Variants in CSMD1 observed in about 807,000 individuals in gnomAD.
CSMD1 encodes the protein CUB and Sushi multiple domains 1, also known as CUB and sushi domain-containing protein 1.
CSMD1 carries 213 observed loss-of-function variants against 417.5 expected under a neutral mutation model. That is an observed-to-expected ratio of 0.51 (90% confidence interval 0.46 to 0.57). The LOEUF is 0.57. Ranked by LOEUF, CSMD1 falls within the 20% of genes least tolerant of loss-of-function variation. CSMD1 has a pLI of 0.00. For synonymous variants in CSMD1, 2,862 were observed against 1,736.8 expected (o/e 1.65, Z -16.11); for missense variants, 6,923 against 4,529.7 (o/e 1.53, Z -15.17).
intron 3 of CSMD1, among the ~76,000 whole-genome samples, chr8:4,289,680 T>C (rs1797253460): frequency 6.6e-6 from 1 of 152,174 alleles, no homozygotes; most frequent in Non-Finnish European, 1.5e-5. Context: ...GCTCAAGACA[T>C]GAGCAAAACT....
chr8:4,065,702 T>G (rs1027632426), intron 3 of CSMD1, among the ~76,000 whole-genome samples: 1 of 152,232 alleles, frequency 6.6e-6, no homozygotes, highest in African/African-American at 2.4e-5. Flanking sequence ...GAACACCACA[T>G]GTATCTGTGC....
intron 23 of CSMD1, among the ~76,000 whole-genome samples, chr8:3,320,947 A>G (rs888984450): frequency 5.3e-5 from 8 of 152,212 alleles, no homozygotes; most frequent in African/African-American, 1.9e-4. Flanking sequence ...AATACAAAGC[A>G]AAATGGAGTA....
intron 3 of CSMD1, among the ~76,000 whole-genome samples, chr8:4,246,322 C>G (rs531542032): frequency 6.6e-6 from 1 of 152,216 alleles, no homozygotes; most frequent in African/African-American, 2.4e-5. Context: ...TGGCCTCCAC[C>G]TCCATCCACG....
intron 5 of CSMD1, among the ~76,000 whole-genome samples, chr8:3,948,146 A>G (rs1811362194): frequency 6.6e-6 from 1 of 152,212 alleles, no homozygotes; most frequent in Admixed American, 6.5e-5. Flanking sequence ...CTTAGGTTGC[A>G]GTCAGCTGAG....
At chr8:4,409,646 T>TTC (rs1796537840) in intron 3 of CSMD1, among the ~76,000 whole-genome samples, 1 of 14,492 alleles carries the variant, frequency 6.9e-5, no homozygotes, top group East Asian at 8.2e-4. Context: ...TTTTTTCTTT[T>TTC]TTTTTTTTTT....
intron 3 of CSMD1, among the ~76,000 whole-genome samples, chr8:4,383,645 A>G (rs1356329469): frequency 6.6e-6 from 1 of 152,206 alleles, no homozygotes; most frequent in Non-Finnish European, 1.5e-5. Flanking sequence ...TATGTACTTC[A>G]GTGTTCAGAG....
intron 3 of CSMD1, among the ~76,000 whole-genome samples, chr8:4,103,469 T>C (rs1434312442): frequency 6.6e-6 from 1 of 150,676 alleles, no homozygotes; most frequent in East Asian, 1.9e-4. Flanking sequence ...ATGATTATTT[T>C]AAAAAGGGTT....
intron 39 of CSMD1, among the ~76,000 whole-genome samples, chr8:3,155,060 A>C (rs906350825): frequency 6.6e-6 from 1 of 152,212 alleles, no homozygotes; most frequent in Non-Finnish European, 1.5e-5. Context: ...ACATGTGCTA[A>C]TATTTACGAT....
At chr8:4,634,003 A>AG (rs1321923715) in intron 2 of CSMD1, among the ~76,000 whole-genome samples, 4 of 152,086 alleles carry the variant, frequency 2.6e-5, no homozygotes, top group African/African-American at 9.6e-5. Flanking sequence ...CATTAAAAAA[A>AG]AAAAAAACAA....
chr8:4,293,221 C>T (rs1797470830), intron 3 of CSMD1, among the ~76,000 whole-genome samples: 1 of 152,110 alleles, frequency 6.6e-6, no homozygotes, highest in Non-Finnish European at 1.5e-5. Flanking sequence ...TGATGCCGTC[C>T]TCAAGGCCAG....
intron 3 of CSMD1, among the ~76,000 whole-genome samples, chr8:4,141,900 G>T (rs945874018): frequency 6.6e-6 from 1 of 150,980 alleles, no homozygotes; most frequent in Admixed American, 6.6e-5. Context: ...AAGAAAACAT[G>T]AGAACTTCTT....
At chr8:4,371,233 G>A (rs545078881) in intron 3 of CSMD1, among the ~76,000 whole-genome samples, 1 of 152,126 alleles carries the variant, frequency 6.6e-6, no homozygotes, top group Non-Finnish European at 1.5e-5. Context: ...TCACCGTGGG[G>A]GATTAGGACC....
intron 2 of CSMD1, among the ~76,000 whole-genome samples, chr8:4,427,361 G>C (rs1228923699): frequency 6.6e-6 from 1 of 152,088 alleles, no homozygotes; most frequent in African/African-American, 2.4e-5. Flanking sequence ...ACACGGCAGA[G>C]GGTGATCTGG....
chr8:3,950,965 C>T lies in CSMD1; in HGVS notation c.818+46938G>A, dbSNP rs112788467. Among the ~76,000 whole-genome samples the T allele has an allele frequency of 1.6e-4, 24 of 152,266 alleles. No homozygotes were observed. In the South Asian group the frequency reaches 4.1e-3, roughly 26 times the overall value. On this transcript the variant is annotated intron_variant, in intron 5 of 69. Transcript: ENST00000635120. Reference sequence around the variant, plus strand: ...GACAAGAAGAAAAAACGATTCTTTTCATCACATAACAGTTACAGTAAAAGC... The same window carrying T: ...GACAAGAAGAAAAAACGATTCTTTTTATCACATAACAGTTACAGTAAAAGC...
chr8:4,256,938 C>A (rs1341962270), intron 3 of CSMD1, among the ~76,000 whole-genome samples: 1 of 152,166 alleles, frequency 6.6e-6, no homozygotes, highest in South Asian at 2.1e-4. Context: ...GCTTTCCCTC[C>A]GTGGGCTGCT....
intron 2 of CSMD1, among the ~76,000 whole-genome samples, chr8:4,533,286 G>T (rs1022882173): frequency 6.6e-6 from 1 of 152,188 alleles, no homozygotes; most frequent in African/African-American, 2.4e-5. Context: ...CAAATATCAT[G>T]CTGAGGAAGC....
intron 23 of CSMD1, among the ~76,000 whole-genome samples, chr8:3,315,180 T>C (rs1485860094): frequency 1.3e-5 from 2 of 152,206 alleles, no homozygotes; most frequent in African/African-American, 2.4e-5. Context: ...GGACAGTGTT[T>C]TCACACCATT....
intron 1 of CSMD1, among the ~76,000 whole-genome samples, chr8:4,987,493 T>G (rs1385793560): frequency 6.6e-6 from 1 of 152,208 alleles, no homozygotes; most frequent in East Asian, 1.9e-4. Flanking sequence ...TGTAGTTATC[T>G]CTATCATATC....
intron 1 of CSMD1, among the ~76,000 whole-genome samples, chr8:4,910,407 T>A (rs998010682): frequency 2.0e-5 from 3 of 152,200 alleles, no homozygotes; most frequent in Admixed American, 2.0e-4. Flanking sequence ...TAGAAATTTA[T>A]TTTTCACATT....
Sources: gnomAD v4.1 joint callset for allele counts (sites outside exome capture counted in the v4.1 genomes callset) on GRCh38, gnomAD v4.1.1 for gene constraint, MANE v1.5 for transcripts, NCBI Gene and HGNC (gene_info 2026-07-23, HGNC 2026-07-21) for gene names.